SH3BP4: variants seen among roughly 807,000 people sequenced by gnomAD.
SH3BP4 encodes the protein SH3 domain binding protein 4.
Under a neutral mutation model 65.5 loss-of-function variants are expected in SH3BP4, and 33 were observed. The observed-to-expected ratio is 0.50, with a 90% confidence interval of 0.38 to 0.67. The LOEUF (loss-of-function observed/expected upper bound fraction) is 0.67, where lower values mean the gene tolerates loss of function less well. Among genes scored for constraint, SH3BP4 ranks in the 30% least tolerant of loss-of-function variants. The probability of loss-of-function intolerance (pLI) is 0.00; values close to 1 mark genes in which losing one functional copy is unlikely to be tolerated. For synonymous variants in SH3BP4, 552 were observed against 545.5 expected (o/e 1.01, Z -0.17); for missense variants, 1,134 against 1,261.4 (o/e 0.90, Z 1.53).
At chr2:235,021,807 A>G (rs1367952684) in intron 2 of SH3BP4, among the ~76,000 whole-genome samples, 6 of 152,290 alleles carry the variant, frequency 3.9e-5, no homozygotes, top group African/African-American at 1.4e-4. Flanking sequence ...AATGACACAG[A>G]ACAGCCCCGA....
chr2:234,970,888 C>T (rs547973838), intron 1 of SH3BP4, among the ~76,000 whole-genome samples: 2 of 151,976 alleles, frequency 1.3e-5, no homozygotes, highest in East Asian at 3.9e-4. Flanking sequence ...TAGGTTATCA[C>T]GCCCAGATTG....
At chr2:234,979,377 T>A (rs1693279487) in intron 1 of SH3BP4, 1 of 152,230 alleles carries the variant, frequency 6.6e-6, no homozygotes, top group Non-Finnish European at 1.5e-5. Flanking sequence ...TCTCTGCTGT[T>A]TTTTAGTTTT....
At position 234,967,822 on chromosome 2, in the gene SH3BP4, C is replaced by A. The variant is rs1384931560; in HGVS notation, c.-207+15652C>A. 6.6e-6 allele frequency among the ~76,000 whole-genome samples: 1 copy of A among 152,176 alleles called. No homozygotes were observed. Among genetic ancestry groups the A allele is most frequent in the African/African-American group, 2.4e-5 (1 of 41,454 alleles). ...GATCAGAGCCAGGATCCCTGCCACC[C>A]TGAGTGGCGGATGCTGCAGAGACAA... On this transcript the variant is annotated intron_variant, in intron 1 of 5. Transcript: ENST00000392011. This position sits in a 1 kb window ranked among gnomAD's most constrained non-coding sequence, Gnocchi z 4.6.
At chr2:235,025,343 C>A (rs2106314258) in intron 2 of SH3BP4, among the ~76,000 whole-genome samples, 1 of 152,258 alleles carries the variant, frequency 6.6e-6, no homozygotes, top group African/African-American at 2.4e-5. Flanking sequence ...CCATCCACAC[C>A]CAGAAGACAT....
chr2:234,953,367 T>G (rs1272015922), intron 1 of SH3BP4, among the ~76,000 whole-genome samples: 3 of 152,298 alleles, frequency 2.0e-5, no homozygotes, highest in African/African-American at 7.2e-5. Flanking sequence ...AGAGAATCCC[T>G]GAATGCAGCC....
intron 2 of SH3BP4, among the ~76,000 whole-genome samples, chr2:235,032,727 C>T (rs1046712315): frequency 1.1e-4 from 17 of 151,752 alleles, no homozygotes; most frequent in Non-Finnish European, 1.9e-4. Context: ...GTGCCGTCAG[C>T]GCTGAGCCTC....
chr2:235,003,771 C>A (rs947281853), intron 2 of SH3BP4, among the ~76,000 whole-genome samples: 1 of 152,216 alleles, frequency 6.6e-6, no homozygotes, highest in Non-Finnish European at 1.5e-5. Context: ...GTGACAGAGG[C>A]TGGAGGCTGG....
intron 2 of SH3BP4, among the ~76,000 whole-genome samples, chr2:235,028,243 C>A (rs1334233279): frequency 6.6e-6 from 1 of 152,218 alleles, no homozygotes; most frequent in Non-Finnish European, 1.5e-5. Context: ...TCTAGGGGGT[C>A]TTGAGATCCA....
chr2:235,018,479 C>T (rs1054095979), intron 2 of SH3BP4, among the ~76,000 whole-genome samples: 2 of 152,196 alleles, frequency 1.3e-5, no homozygotes, highest in Admixed American at 6.5e-5. Context: ...TAGCATGCTT[C>T]TGGCATAAGC....
chr2:234,973,360 C>T (rs528055764), intron 1 of SH3BP4, among the ~76,000 whole-genome samples: 1 of 152,256 alleles, frequency 6.6e-6, no homozygotes, highest in East Asian at 1.9e-4. Flanking sequence ...ACCCCTGTGC[C>T]CTCCCGGTTT....
At chr2:234,961,018 G>A (rs116354921) in intron 1 of SH3BP4, among the ~76,000 whole-genome samples, 2 of 152,086 alleles carry the variant, frequency 1.3e-5, no homozygotes, top group South Asian at 2.1e-4. Context: ...GGTTCATTGC[G>A]GGGACATCAC....
At chr2:235,038,312 T>TTA (rs1436073853) in intron 3 of SH3BP4, among the ~76,000 whole-genome samples, 2 of 10,262 alleles carry the variant, frequency 1.9e-4, no homozygotes, top group Admixed American at 2.2e-3. Context: ...TATATATATA[T>TTA]TATATATTAT....
intron 1 of SH3BP4, among the ~76,000 whole-genome samples, chr2:234,953,358 G>A (rs1396162604): frequency 6.6e-6 from 1 of 152,148 alleles, no homozygotes; most frequent in African/African-American, 2.4e-5. Context: ...GCCTAAACCA[G>A]AGAATCCCTG....
chr2:235,032,996 G>A (rs1229852094), intron 2 of SH3BP4, among the ~76,000 whole-genome samples: 1 of 152,170 alleles, frequency 6.6e-6, no homozygotes, highest in Admixed American at 6.5e-5. Context: ...AACTGGCCTG[G>A]GTGAGTGCTG....
chr2:235,042,960 T>A lies in SH3BP4; in HGVS notation c.2191T>A (p.Ser731Thr), dbSNP rs773155843. ...CGGCAGGGCCCGGCCCAGCCTGTGCTCGGGCCCCGAGCTGAGCACCTCGGT... is the reference window on the plus strand; with the variant it reads ...CGGCAGGGCCCGGCCCAGCCTGTGCACGGGCCCCGAGCTGAGCACCTCGGT... Reference protein sequence around the residue: ...VVGRARPSLCSGPELSTSVLL... With the variant: ...VVGRARPSLCTGPELSTSVLL... Residue 731 changes from serine to threonine, a missense_variant, in exon 4 of 6, where the codon TCG becomes ACG. Physicochemically the swap from Ser to Thr is moderately conservative, Grantham distance 58. Transcript: ENST00000392011. The surrounding 1 kb of genome is among the most constrained non-coding windows in gnomAD (Gnocchi z 7.3). The A allele has an allele frequency of 3.7e-6, 6 of 1,612,852 alleles. No individual in the cohort carries two copies. The Admixed American group carries it at 1.0e-4, about 27-fold the overall frequency.
chr2:234,998,248 C>T lies in SH3BP4; in HGVS notation c.-133+2872C>T, dbSNP rs555409547. Among the ~76,000 whole-genome samples, 73 of 152,296 alleles carry T rather than the reference C, an allele frequency of 4.8e-4. No individual in the cohort carries two copies. In the South Asian group the frequency reaches 0.014, roughly 30 times the overall value. On this transcript the variant is annotated intron_variant, in intron 2 of 5. Coordinates refer to ENST00000392011, the MANE Select transcript of SH3BP4 (RefSeq NM_014521.3). ...GGTGCCTGGGGGGGCACGTGAACCA[C>T]GTGGGCTGGTACCACACCCCCTCTA...
Position 234,998,329 on chromosome 2 carries a change from GGTAAA to G in SH3BP4, c.-133+2954_-133+2958del, listed in dbSNP as rs538185774. Among the ~76,000 whole-genome samples the G allele has an allele frequency of 6.8e-4, 104 of 152,254 alleles. No homozygotes were observed. The East Asian group carries it at 0.018, about 27-fold the overall frequency. ...CAAACAGGAGACGTAAAAATGAACA[GGTAAA>G]CATAATTTTTTTTCTTGGGATTGTA... On this transcript the variant is annotated intron_variant, in intron 2 of 5. Coordinates refer to ENST00000392011, the MANE Select transcript of SH3BP4 (RefSeq NM_014521.3).
At chr2:235,022,300 T>G (rs956299654) in intron 2 of SH3BP4, among the ~76,000 whole-genome samples, 11 of 152,150 alleles carry the variant, frequency 7.2e-5, no homozygotes, top group Non-Finnish European at 1.5e-4. Context: ...ACACTTGTGA[T>G]CCCAGCAGTT....
intron 2 of SH3BP4, among the ~76,000 whole-genome samples, chr2:235,023,114 T>C (rs1694894691): frequency 6.6e-6 from 1 of 152,204 alleles, no homozygotes; most frequent in Admixed American, 6.5e-5. Flanking sequence ...CCAGGATTAG[T>C]ACACAATTAG....
Sources: allele counts gnomAD v4.1 joint callset (sites outside exome capture counted in the v4.1 genomes callset), GRCh38; gene constraint gnomAD v4.1.1; non-coding constraint Gnocchi (gnomAD v3.1); transcripts MANE v1.5; gene names NCBI Gene and HGNC (gene_info 2026-07-23, HGNC 2026-07-21).